Variants in ADAM32 observed in about 807,000 individuals in gnomAD.
The protein encoded by ADAM32 is disintegrin and metalloproteinase domain-containing protein 32.
Under a neutral mutation model 114.9 loss-of-function variants are expected in ADAM32, and 89 were observed. That is an observed-to-expected ratio of 0.77 (90% CI 0.65 to 0.92). ADAM32 has a LOEUF of 0.92. ADAM32 is among the 40% of genes least tolerant of loss of function. ADAM32 has a pLI of 0.00. For synonymous variants in ADAM32, 285 were observed against 307.5 expected, an observed-to-expected ratio of 0.93 and a Z score of 0.77; for missense variants, 870 against 932.8, an observed-to-expected ratio of 0.93 and a Z score of 0.88.
intron 3 of ADAM32, among the ~76,000 whole-genome samples, chr8:39,140,856 C>A (rs1302816730): frequency 1.3e-5 from 2 of 152,146 alleles, no homozygotes; most frequent in Non-Finnish European, 2.9e-5. Context: ...TTCAGAGATT[C>A]AACTTCTTCC....
At chr8:39,134,312 G>A (rs1306390952) in intron 2 of ADAM32, among the ~76,000 whole-genome samples, 1 of 152,020 alleles carries the variant, frequency 6.6e-6, no homozygotes, top group Non-Finnish European at 1.5e-5. Context: ...GTCACCAGGA[G>A]TGCAGGTAGG....
chr8:39,125,590 A>C (rs1802064657), intron 2 of ADAM32, among the ~76,000 whole-genome samples: 1 of 152,126 alleles, frequency 6.6e-6, no homozygotes, highest in Non-Finnish European at 1.5e-5. Context: ...GTGTACAGTG[A>C]GTAGATTGCA....
chr8:39,191,395 C>T (rs1806595786), intron 11 of ADAM32, among the ~76,000 whole-genome samples: 1 of 152,164 alleles, frequency 6.6e-6, no homozygotes, highest in Non-Finnish European at 1.5e-5. Flanking sequence ...CCTTTTTCTC[C>T]ACAACCTCAC....
At chr8:39,218,438 G>C (rs75059296) in intron 12 of ADAM32, among the ~76,000 whole-genome samples, 33,748 of 152,080 alleles carry the variant, frequency 0.22, 4,233 homozygotes, top group Non-Finnish European at 0.27. Flanking sequence ...CCAGGCTTGT[G>C]TCCTCCCCTT....
At chr8:39,283,694 T>A (rs1813590934) in intron 24 of ADAM32, 70 bp downstream of exon 24, 2 of 1,280,000 alleles carry the variant, frequency 1.6e-6, no homozygotes, top group Non-Finnish European at 2.2e-6. Context: ...CATAATCCAC[T>A]ATTAATTCCT....
At chr8:39,280,996 A>G in intron 22 of ADAM32, 140 bp from the exon 23 acceptor site, 1 of 216,710 alleles carries the variant, frequency 4.6e-6, no homozygotes, top group Non-Finnish European at 9.4e-6. Flanking sequence ...ATTAGCCAGG[A>G]TGGTCTCGAT....
chr8:39,159,098 A>G (rs960332496), intron 6 of ADAM32, among the ~76,000 whole-genome samples: 1 of 152,086 alleles, frequency 6.6e-6, no homozygotes, highest in Non-Finnish European at 1.5e-5. Context: ...TTGAAATTTG[A>G]ACATTTTGAA....
chr8:39,222,988 A>AAATAT (rs1809087756), intron 13 of ADAM32, 52 bp from the exon 14 acceptor site: 2 of 1,422,940 alleles, frequency 1.4e-6, no homozygotes, highest in African/African-American at 2.9e-5. Context: ...AATATTAACA[A>AAATAT]ACAGTAATCC....
intron 2 of ADAM32, among the ~76,000 whole-genome samples, chr8:39,131,172 G>T (rs542599911): frequency 1.8e-4 from 28 of 152,100 alleles, no homozygotes; most frequent in Non-Finnish European, 4.0e-4. Context: ...TAGCCAGGAT[G>T]GTCTCGATCT....
intron 11 of ADAM32, among the ~76,000 whole-genome samples, chr8:39,188,429 A>G (rs1299433491): frequency 2.6e-5 from 4 of 152,072 alleles, no homozygotes; most frequent in African/African-American, 9.7e-5. Context: ...CAACAACATA[A>G]GAATAATTAT....
intron 11 of ADAM32, among the ~76,000 whole-genome samples, chr8:39,197,400 T>C (rs1423649881): frequency 1.3e-5 from 2 of 152,084 alleles, no homozygotes; most frequent in Non-Finnish European, 2.9e-5. Flanking sequence ...TTCTAGTTCC[T>C]GAAGTACATC....
chr8:39,181,987 A>G (rs1805924484), intron 10 of ADAM32, among the ~76,000 whole-genome samples: 1 of 152,242 alleles, frequency 6.6e-6, no homozygotes, highest in Admixed American at 6.5e-5. Flanking sequence ...GTAAAACACA[A>G]TTTTTATACT....
intron 11 of ADAM32, among the ~76,000 whole-genome samples, chr8:39,199,746 T>A (rs1464988409): frequency 6.6e-6 from 1 of 152,112 alleles, no homozygotes; most frequent in African/African-American, 2.4e-5. Flanking sequence ...ACATTAGGTA[T>A]ATCTCCTAAT....
chr8:39,150,449 C>T (rs1342305450), intron 5 of ADAM32, among the ~76,000 whole-genome samples: 2 of 152,024 alleles, frequency 1.3e-5, no homozygotes, highest in African/African-American at 4.8e-5. Context: ...TGCTTTTTCT[C>T]AAGGAAATCA....
At chr8:39,219,038 G>T (rs983554786) in intron 12 of ADAM32, among the ~76,000 whole-genome samples, 1 of 152,024 alleles carries the variant, frequency 6.6e-6, no homozygotes, top group East Asian at 1.9e-4. Flanking sequence ...TCTGGCCAGG[G>T]TGTGTTTAGA....
intron 2 of ADAM32, among the ~76,000 whole-genome samples, chr8:39,134,431 G>T (rs945657079): frequency 1.8e-4 from 28 of 152,198 alleles, no homozygotes; most frequent in African/African-American, 6.3e-4. Context: ...CTACAATGGG[G>T]ACTTCCTCCT....
At chr8:39,124,622 T>A (rs1019259284) in intron 2 of ADAM32, among the ~76,000 whole-genome samples, 2 of 152,086 alleles carry the variant, frequency 1.3e-5, no homozygotes, top group African/African-American at 4.8e-5. Flanking sequence ...TTCACCGTGT[T>A]AGCCAGGATG....
intron 11 of ADAM32, among the ~76,000 whole-genome samples, chr8:39,204,460 G>A (rs1249643093): frequency 2.0e-5 from 3 of 152,116 alleles, no homozygotes; most frequent in Non-Finnish European, 2.9e-5. Flanking sequence ...CGTAGTTCTC[G>A]TGCCATGGTT....
chr8:39,274,175 T>C (rs1352816786), intron 20 of ADAM32, 137 bp from the exon 21 acceptor site: 1 of 821,340 alleles, frequency 1.2e-6, no homozygotes, highest in Non-Finnish European at 2.0e-6. Context: ...TTCAGTGACC[T>C]TTGGACATCA....
Sources: gnomAD v4.1 joint callset for allele counts (sites outside exome capture counted in the v4.1 genomes callset) on GRCh38, gnomAD v4.1.1 for gene constraint, MANE v1.5 for transcripts, NCBI Gene and HGNC (gene_info 2026-07-23, HGNC 2026-07-21) for gene names.